CNTNAP5: variants seen among roughly 807,000 people sequenced by gnomAD.
CNTNAP5 encodes the protein contactin associated protein family member 5.
In CNTNAP5, 72 loss-of-function variants were observed where a neutral mutation model predicts 150.2. The ratio of observed to expected loss-of-function variants is 0.48; its 90% CI spans 0.40 to 0.58. The LOEUF is 0.58. CNTNAP5 is among the 20% of genes least tolerant of loss of function. The probability of loss-of-function intolerance (pLI) is 0.00; values close to 1 mark genes in which losing one functional copy is unlikely to be tolerated. For missense variants in CNTNAP5, 1,636 were observed against 1,626.2 expected (o/e 1.01, Z -0.10); for synonymous variants, 672 against 619.8 (o/e 1.08, Z -1.25).
chr2:124,742,390 T>G (rs1680513983), intron 13 of CNTNAP5, among the ~76,000 whole-genome samples: 1 of 151,262 alleles, frequency 6.6e-6, no homozygotes, highest in Non-Finnish European at 1.5e-5. Context: ...TCAGTTTGCA[T>G]GTTGTCTGCA....
intron 4 of CNTNAP5, among the ~76,000 whole-genome samples, chr2:124,419,892 T>C (rs1193942411): frequency 7.1e-6 from 1 of 140,496 alleles, no homozygotes; most frequent in Non-Finnish European, 1.6e-5. Flanking sequence ...TTTGACTGGA[T>C]TGGTTTTCTT....
intron 11 of CNTNAP5, among the ~76,000 whole-genome samples, chr2:124,564,331 T>C (rs1349466966): frequency 6.6e-6 from 1 of 152,082 alleles, no homozygotes; most frequent in Non-Finnish European, 1.5e-5. Flanking sequence ...ATATGAGCCT[T>C]GATTTTTTAT....
chr2:124,839,720 A>C (rs1682906460), intron 19 of CNTNAP5, among the ~76,000 whole-genome samples: 1 of 152,124 alleles, frequency 6.6e-6, no homozygotes, highest in African/African-American at 2.4e-5. Flanking sequence ...GACAGAGTGA[A>C]AAGCCCTTTA....
intron 6 of CNTNAP5, among the ~76,000 whole-genome samples, chr2:124,448,700 G>T (rs560091993): frequency 1.1e-4 from 16 of 152,210 alleles, no homozygotes; most frequent in African/African-American, 3.1e-4. Flanking sequence ...TTAAAGGGTT[G>T]TAAAGGCAAT....
intron 1 of CNTNAP5, among the ~76,000 whole-genome samples, chr2:124,171,381 C>A (rs766251927): frequency 3.9e-5 from 6 of 152,160 alleles, no homozygotes; most frequent in Non-Finnish European, 8.8e-5. Context: ...GGGGTGCCAG[C>A]ACAACAGTAT....
chr2:124,384,466 G>T (rs1035227415), intron 3 of CNTNAP5, among the ~76,000 whole-genome samples: 1 of 152,118 alleles, frequency 6.6e-6, no homozygotes, highest in Non-Finnish European at 1.5e-5. Context: ...GTGTATTTTG[G>T]ACATAAAGAA....
chr2:124,285,255 T>G (rs965650894), intron 3 of CNTNAP5, among the ~76,000 whole-genome samples: 7 of 152,178 alleles, frequency 4.6e-5, no homozygotes, highest in African/African-American at 1.7e-4. Flanking sequence ...AGAATAACTT[T>G]CATGAGCTAA....
intron 13 of CNTNAP5, among the ~76,000 whole-genome samples, chr2:124,726,620 T>A (rs1374931565): frequency 6.6e-6 from 1 of 151,376 alleles, no homozygotes; most frequent in Non-Finnish European, 1.5e-5. Flanking sequence ...ATATACTTGT[T>A]AGCCATTTGT....
intron 8 of CNTNAP5, among the ~76,000 whole-genome samples, chr2:124,512,294 A>G (rs555647243): frequency 6.6e-6 from 1 of 152,022 alleles, no homozygotes; most frequent in South Asian, 2.1e-4. Flanking sequence ...GAGGCATCAA[A>G]CTCAGCCTGG....
chr2:124,266,120 A>G (rs1221998554), intron 3 of CNTNAP5, among the ~76,000 whole-genome samples: 3 of 152,146 alleles, frequency 2.0e-5, no homozygotes, highest in South Asian at 2.1e-4. Context: ...TATTGGGCCC[A>G]TAAGACTGAT....
At chr2:124,301,700 C>T (rs971731755) in intron 3 of CNTNAP5, among the ~76,000 whole-genome samples, 2 of 152,128 alleles carry the variant, frequency 1.3e-5, no homozygotes, top group African/African-American at 4.8e-5. Context: ...TGTATCAGGC[C>T]TATGATGATA....
At chr2:124,157,896 T>C (rs1368088746) in intron 1 of CNTNAP5, among the ~76,000 whole-genome samples, 1 of 152,208 alleles carries the variant, frequency 6.6e-6, no homozygotes, top group East Asian at 1.9e-4. Flanking sequence ...GACAAGTTTA[T>C]ATGACAAAAT....
In CNTNAP5 at chr2:124,638,082, A is replaced by ATG. The variant is rs1262012338; in HGVS notation, c.1877-9662_1877-9661dup. Among the ~76,000 whole-genome samples, 507 of 150,798 alleles carry ATG rather than the reference A, an allele frequency of 3.4e-3. 4 individuals carry two copies. The highest frequency in any genetic ancestry group is 0.012 in the African/African-American group (488 of 41,180). On this transcript the variant is annotated intron_variant, in intron 12 of 23. Transcript: ENST00000682447. ...TGTGTGCATGTGTGTGTGTGCGTGT[A>ATG]TGTGTGTGTGTGTGTTTATGAGTTC...
rs1683664700 is a variant in CNTNAP5, at chr2:124,125,341, T to A, written c.83-96364T>A. 3.9e-5 allele frequency among the ~76,000 whole-genome samples: 6 copies of A among 152,220 alleles called. No homozygotes were observed. In the South Asian group the frequency reaches 1.0e-3, roughly 26 times the overall value. ...AGGCCATTACATAATGGTAAAGGGATCAATTCAACAAGAAGAGCTAACTAT... is the reference window on the plus strand; with the variant it reads ...AGGCCATTACATAATGGTAAAGGGAACAATTCAACAAGAAGAGCTAACTAT... On this transcript the variant is annotated intron_variant, in intron 1 of 23. Coordinates refer to ENST00000682447, the MANE Select transcript of CNTNAP5 (RefSeq NM_001367498.1).
At chr2:124,631,844 G>A (rs946655032) in intron 12 of CNTNAP5, among the ~76,000 whole-genome samples, 2 of 152,142 alleles carry the variant, frequency 1.3e-5, no homozygotes, top group African/African-American at 4.8e-5. Flanking sequence ...CTAATATCCA[G>A]AATCTACAAG....
chr2:124,726,988 A>C (rs1680169897), intron 13 of CNTNAP5, among the ~76,000 whole-genome samples: 1 of 151,998 alleles, frequency 6.6e-6, no homozygotes, highest in Non-Finnish European at 1.5e-5. Flanking sequence ...TTAAATTTTT[A>C]ATCAATTTTT....
chr2:124,296,438 G>A (rs796263648), intron 3 of CNTNAP5, among the ~76,000 whole-genome samples: 44 of 152,308 alleles, frequency 2.9e-4, no homozygotes, highest in African/African-American at 1.0e-3. Context: ...ATGGCTAAGT[G>A]TAATGGAGGA....
chr2:124,591,716 G>A (rs1178326088), intron 11 of CNTNAP5, among the ~76,000 whole-genome samples: 3 of 152,058 alleles, frequency 2.0e-5, no homozygotes, highest in East Asian at 1.9e-4. Context: ...TTAATGGTGG[G>A]AACATTTATG....
At chr2:124,655,945 G>GAGAGAAAGGAAGAAAGAAAGAAAGAA (rs1553427800) in intron 13 of CNTNAP5, among the ~76,000 whole-genome samples, 1 of 55,490 alleles carries the variant, frequency 1.8e-5, no homozygotes, top group Non-Finnish European at 3.4e-5. Flanking sequence ...GAGAGAGAGA[G>GAGAGAAAGGAAGAAAGAAAGAAAGAA]AGAAAGAAAG....
Sources: allele counts gnomAD v4.1 joint callset (sites outside exome capture counted in the v4.1 genomes callset), GRCh38; gene constraint gnomAD v4.1.1; transcripts MANE v1.5; gene names NCBI Gene and HGNC (gene_info 2026-07-23, HGNC 2026-07-21).